CNTNAP2: variants seen among roughly 807,000 people sequenced by gnomAD.
The protein encoded by CNTNAP2 is contactin associated protein 2.
Under a neutral mutation model 155.2 loss-of-function variants are expected in CNTNAP2, and 98 were observed. That is an observed-to-expected ratio of 0.63 (90% CI 0.54 to 0.75). The LOEUF is 0.75. CNTNAP2 is among the 30% of genes least tolerant of loss of function. CNTNAP2 has a pLI of 0.00. For missense variants in CNTNAP2, 1,727 were observed against 1,688.1 expected (o/e 1.02, Z -0.40); for synonymous variants, 651 against 631.2 (o/e 1.03, Z -0.47).
At chr7:147,326,695 T>C (rs1295868146) in intron 9 of CNTNAP2, among the ~76,000 whole-genome samples, 4 of 152,220 alleles carry the variant, frequency 2.6e-5, no homozygotes, top group African/African-American at 9.6e-5. Context: ...ACACTTGTTA[T>C]TTTCAAGGTT....
chr7:147,653,192 C>G (rs915212688), intron 13 of CNTNAP2, among the ~76,000 whole-genome samples: 32 of 151,950 alleles, frequency 2.1e-4, no homozygotes, highest in African/African-American at 7.7e-4. Flanking sequence ...AAAGGTTATC[C>G]CCTTCTTTTC....
Position 146,603,106 on chromosome 7 carries a change from A to G in CNTNAP2, c.98-171165A>G, listed in dbSNP as rs139275413. 2.9e-4 allele frequency among the ~76,000 whole-genome samples: 44 copies of G among 151,670 alleles called. 1 individual carries two copies. In the East Asian group the frequency reaches 8.3e-3, roughly 29 times the overall value. ...TCTAATTTACTAAAATATATTTAGT[A>G]CATGTAAATTTAAAATATTGCGATA... On this transcript the variant is annotated intron_variant, in intron 1 of 23. Transcript: ENST00000361727.
chr7:147,582,885 A>G (rs1800532049), intron 12 of CNTNAP2, among the ~76,000 whole-genome samples: 1 of 152,136 alleles, frequency 6.6e-6, no homozygotes, highest in African/African-American at 2.4e-5. Flanking sequence ...CATTCATTTA[A>G]CTGCGGACTC....
intron 13 of CNTNAP2, among the ~76,000 whole-genome samples, chr7:147,828,001 C>T (rs908401210): frequency 4.6e-5 from 7 of 152,048 alleles, no homozygotes; most frequent in African/African-American, 7.2e-5. Flanking sequence ...TCAAAACACA[C>T]GATCCTTTAG....
rs573424179 is a variant in CNTNAP2 at position 146,738,841 on chromosome 7, GT to G, written c.98-35418del. 3.3e-3 allele frequency among the ~76,000 whole-genome samples: 443 copies of G among 133,566 alleles called. 3 individuals carry two copies. Among genetic ancestry groups the G allele is most frequent in the East Asian group, 0.017 (78 of 4,490 alleles). 87.6% of individuals were successfully genotyped at this position (133,566 alleles called of 152,430 possible). On this transcript the variant is annotated intron_variant, in intron 1 of 23. Coordinates refer to ENST00000361727, the MANE Select transcript of CNTNAP2 (RefSeq NM_014141.6). ...TGTTATTGGTCTGTTAAGATTTTCT[GT>G]TTTTTTTTTTTCATAATTCACTCTT...
chr7:148,050,466 T>C (rs747827961), intron 15 of CNTNAP2, among the ~76,000 whole-genome samples: 5 of 152,188 alleles, frequency 3.3e-5, no homozygotes, highest in Non-Finnish European at 7.3e-5. Flanking sequence ...TATTTTTGTA[T>C]GGCTGTACAA....
At chr7:147,117,109 G>T (rs976226642) in intron 5 of CNTNAP2, among the ~76,000 whole-genome samples, 4 of 152,114 alleles carry the variant, frequency 2.6e-5, no homozygotes, top group Admixed American at 6.5e-5. Flanking sequence ...CGGCTCCCTG[G>T]ATTCTGCCCC....
intron 9 of CNTNAP2, among the ~76,000 whole-genome samples, chr7:147,388,824 C>T (rs1796663901): frequency 1.3e-5 from 2 of 152,204 alleles, no homozygotes; most frequent in Non-Finnish European, 1.5e-5. Flanking sequence ...TCGTGATCTG[C>T]CCACCTCAGC....
chr7:148,297,165 A>AAGGAAGGAAGGAAGG (rs1797299988), intron 21 of CNTNAP2, among the ~76,000 whole-genome samples: 252 of 128,924 alleles, frequency 2.0e-3, no homozygotes, highest in Middle Eastern at 7.6e-3. Context: ...GAGATAGAGA[A>AAGGAAGGAAGGAAGG]AAGGAAGGAA....
At chr7:147,450,919 T>C (rs1008309233) in intron 10 of CNTNAP2, among the ~76,000 whole-genome samples, 4 of 152,332 alleles carry the variant, frequency 2.6e-5, no homozygotes, top group African/African-American at 9.6e-5. Flanking sequence ...AGGACATCAC[T>C]TGGCATCAGT....
At chr7:146,523,832 A>C (rs1797650148) in intron 1 of CNTNAP2, among the ~76,000 whole-genome samples, 1 of 152,182 alleles carries the variant, frequency 6.6e-6, no homozygotes, top group Non-Finnish European at 1.5e-5. Context: ...GTTATTATCC[A>C]GCCACCAGTC....
At chr7:146,891,565 A>AT (rs1025375889) in intron 3 of CNTNAP2, among the ~76,000 whole-genome samples, 126 of 152,246 alleles carry the variant, frequency 8.3e-4, no homozygotes, top group African/African-American at 2.9e-3. Flanking sequence ...AGCTCTGTGT[A>AT]TTTTTTTGGC....
At chr7:147,281,536 C>A (rs1056763925) in intron 8 of CNTNAP2, among the ~76,000 whole-genome samples, 1 of 151,580 alleles carries the variant, frequency 6.6e-6, no homozygotes, top group Non-Finnish European at 1.5e-5. Context: ...TTCATAACTA[C>A]AATCCTCATG....
intron 15 of CNTNAP2, among the ~76,000 whole-genome samples, chr7:148,073,029 T>C (rs916567592): frequency 6.6e-6 from 1 of 152,082 alleles, no homozygotes; most frequent in Non-Finnish European, 1.5e-5. Context: ...TTTTAAGATG[T>C]GTCATATCAT....
intron 20 of CNTNAP2, among the ~76,000 whole-genome samples, chr7:148,266,514 C>A (rs1171934657): frequency 6.6e-6 from 1 of 152,206 alleles, no homozygotes; most frequent in Non-Finnish European, 1.5e-5. Context: ...CTCGCCCAAC[C>A]ACCCCTGCCT....
intron 15 of CNTNAP2, among the ~76,000 whole-genome samples, chr7:148,099,872 T>G (rs1804060349): frequency 7.8e-6 from 1 of 128,178 alleles, no homozygotes; most frequent in African/African-American, 3.0e-5. Flanking sequence ...TTTTTGGTTT[T>G]TTTTTTTTTT....
At chr7:147,946,276 C>T (rs1800818834) in intron 14 of CNTNAP2, among the ~76,000 whole-genome samples, 2 of 152,066 alleles carry the variant, frequency 1.3e-5, no homozygotes, top group East Asian at 1.9e-4. Context: ...GGTAGACATG[C>T]CTATTAACAT....
At chr7:147,384,176 T>G (rs529444888) in intron 9 of CNTNAP2, among the ~76,000 whole-genome samples, 2 of 152,286 alleles carry the variant, frequency 1.3e-5, no homozygotes, top group Non-Finnish European at 2.9e-5. Context: ...ATAGACATCT[T>G]AAGTATTCAC....
chr7:146,393,127 A>G (rs1358449194), intron 1 of CNTNAP2, among the ~76,000 whole-genome samples: 4 of 152,118 alleles, frequency 2.6e-5, no homozygotes, highest in Admixed American at 1.3e-4. Context: ...CATTGTTAGT[A>G]TTTTTCCACA....
Sources: gnomAD v4.1 joint callset for allele counts (sites outside exome capture counted in the v4.1 genomes callset) on GRCh38, gnomAD v4.1.1 for gene constraint, MANE v1.5 for transcripts, NCBI Gene and HGNC (gene_info 2026-07-23, HGNC 2026-07-21) for gene names.